The following METTL15 variants were observed in gnomAD, a reference collection of about 807,000 sequenced individuals.
METTL15 encodes the protein methyltransferase 15, mitochondrial 12S rRNA N4-cytidine, also known as 12S rRNA N(4)-cytidine methyltransferase METTL15.
In METTL15, 34 loss-of-function variants were observed where a neutral mutation model predicts 38.3. That is an observed-to-expected ratio of 0.89 (90% CI 0.68 to 1.18). METTL15 has a LOEUF of 1.18. METTL15 is among the 50% of genes most tolerant of loss of function. The pLI, the probability that METTL15 is intolerant of heterozygous loss-of-function variation, is 0.00. For missense variants in METTL15, 438 were observed against 498.4 expected (o/e 0.88, Z 1.15); for synonymous variants, 162 against 170.9 (o/e 0.95, Z 0.41).
At chr11:28,186,677 A>G (rs1462984670) in intron 3 of METTL15, among the ~76,000 whole-genome samples, 1 of 151,228 alleles carries the variant, frequency 6.6e-6, no homozygotes, top group African/African-American at 2.4e-5. Flanking sequence ...TTAGTTTGAT[A>G]ATAATGCTGT....
chr11:28,469,651 A>G (rs1375270281), intron 6 of METTL15, among the ~76,000 whole-genome samples: 1 of 152,142 alleles, frequency 6.6e-6, no homozygotes, highest in Non-Finnish European at 1.5e-5. Flanking sequence ...ATTATTATAA[A>G]GACTTAATGA....
intron 3 of METTL15, among the ~76,000 whole-genome samples, chr11:28,144,027 A>G (rs1328120627): frequency 6.6e-6 from 1 of 152,116 alleles, no homozygotes; most frequent in Non-Finnish European, 1.5e-5. Context: ...TATCATTGCT[A>G]TAATTATTTA....
intron 3 of METTL15, among the ~76,000 whole-genome samples, chr11:28,177,506 T>G (rs1019785847): frequency 1.3e-5 from 2 of 151,992 alleles, no homozygotes; most frequent in Non-Finnish European, 2.9e-5. Context: ...AAAGCTGTAT[T>G]TAATATGAAA....
chr11:28,267,006 A>G (rs1439775482), intron 4 of METTL15, among the ~76,000 whole-genome samples: 1 of 151,938 alleles, frequency 6.6e-6, no homozygotes, highest in Non-Finnish European at 1.5e-5. Context: ...CTAAAAATAC[A>G]AAAATTACCT....
chr11:28,122,333 A>G (rs1046651224), intron 3 of METTL15, among the ~76,000 whole-genome samples: 102 of 112,102 alleles, frequency 9.1e-4, no homozygotes, highest in Admixed American at 1.3e-3. Flanking sequence ...ATGTGTGTAT[A>G]TGTGTGTGTG....
chr11:28,253,219 T>C (rs1854820289), intron 4 of METTL15, among the ~76,000 whole-genome samples: 1 of 152,182 alleles, frequency 6.6e-6, no homozygotes, highest in Admixed American at 6.5e-5. Context: ...CCGAAAGATA[T>C]TTTCCTTTTC....
In METTL15 at chr11:28,457,619, A is replaced by G. The variant is rs2133452748; in HGVS notation, c.*424+33255A>G. The stretch of plus-strand genomic sequence containing the variant: ...GGCACATAAGGGCTCTGATTCCCCC[A>G]CGTCTAGCATTCTTGTCTTCTAGAT... On this transcript the variant is annotated intron_variant and NMD_transcript_variant, in intron 6 of 7. Transcript: ENST00000532947. Among the ~76,000 whole-genome samples, 3 of 152,284 alleles carry G rather than the reference A, an allele frequency of 2.0e-5. 1 individual carries two copies. The South Asian group carries it at 6.2e-4, about 32-fold the overall frequency.
At chr11:28,147,927 T>G (rs1433847677) in intron 3 of METTL15, among the ~76,000 whole-genome samples, 3 of 151,838 alleles carry the variant, frequency 2.0e-5, no homozygotes, top group South Asian at 2.1e-4. Flanking sequence ...TATCTAACTT[T>G]GGGAAATGCT....
At chr11:28,327,071 C>A (rs1565257964) in intron 6 of METTL15, among the ~76,000 whole-genome samples, 1 of 152,088 alleles carries the variant, frequency 6.6e-6, no homozygotes, top group Non-Finnish European at 1.5e-5. Flanking sequence ...GGAAGTTTAA[C>A]CTATCTAAAA....
In METTL15 at chr11:28,165,469, G is replaced by T. The variant is rs553998059; in HGVS notation, c.271-45593G>T. 9.9e-5 allele frequency among the ~76,000 whole-genome samples: 15 copies of T among 152,016 alleles called. No homozygotes were observed. In the East Asian group the frequency reaches 2.9e-3, roughly 29 times the overall value. ...TCATGAACCTGTTAGCCATTTATAT[G>T]TTTTCTTTTGAGAAATATCTGTTCA... On this transcript the variant is annotated intron_variant, in intron 3 of 6. Transcript: ENST00000407364.
At chr11:28,211,766 A>G (rs1462135767) in intron 4 of METTL15, among the ~76,000 whole-genome samples, 1 of 152,090 alleles carries the variant, frequency 6.6e-6, no homozygotes, top group African/African-American at 2.4e-5. Context: ...AACATTTTGA[A>G]TTAGGGAGTA....
chr11:28,333,999 CT>C (rs570982043), downstream of METTL15, among the ~76,000 whole-genome samples: 1 of 151,742 alleles, frequency 6.6e-6, no homozygotes, highest in Admixed American at 6.6e-5. Flanking sequence ...GTACTGCAGA[CT>C]TTTAAAAAAT....
At chr11:28,483,754 G>GT (rs1447257601) in intron 6 of METTL15, among the ~76,000 whole-genome samples, 1 of 152,108 alleles carries the variant, frequency 6.6e-6, no homozygotes, top group Non-Finnish European at 1.5e-5. Flanking sequence ...GCAACTGGTA[G>GT]TTTTCTAAGG....
At chr11:28,495,305 AG>A (rs1851527016) in intron 6 of METTL15, among the ~76,000 whole-genome samples, 1 of 152,198 alleles carries the variant, frequency 6.6e-6, no homozygotes, top group Non-Finnish European at 1.5e-5. Context: ...AACTCATGAA[AG>A]GTCTTTGAGA....
At chr11:28,418,448 G>T (rs942352487) in intron 5 of METTL15, among the ~76,000 whole-genome samples, 1 of 152,138 alleles carries the variant, frequency 6.6e-6, no homozygotes, top group Non-Finnish European at 1.5e-5. Flanking sequence ...GAAGATGGAT[G>T]ATAGAATATT....
chr11:28,313,132 T>TGAA (rs767423684), intron 6 of METTL15, among the ~76,000 whole-genome samples: 14 of 152,174 alleles, frequency 9.2e-5, no homozygotes, highest in Non-Finnish European at 1.5e-4. Context: ...ACTAGCTTTG[T>TGAA]GAACTTGAAC....
intron 4 of METTL15, among the ~76,000 whole-genome samples, chr11:28,361,049 C>T (rs1047740090): frequency 6.6e-5 from 10 of 151,850 alleles, no homozygotes; most frequent in African/African-American, 2.4e-4. Context: ...TTTCTTAATC[C>T]AATCTATCAT....
intron 3 of METTL15, among the ~76,000 whole-genome samples, chr11:28,348,406 C>T (rs946481074): frequency 2.0e-5 from 3 of 152,208 alleles, no homozygotes; most frequent in African/African-American, 4.8e-5. Context: ...CTCACCCTAT[C>T]AGTCAGGCTG....
intron 4 of METTL15, among the ~76,000 whole-genome samples, chr11:28,355,733 T>G (rs549447841): frequency 1.3e-5 from 2 of 152,292 alleles, no homozygotes; most frequent in Non-Finnish European, 2.9e-5. Flanking sequence ...ACTTTAGCAT[T>G]GTTGGATTTT....
Sources: gnomAD v4.1 joint callset for allele counts (sites outside exome capture counted in the v4.1 genomes callset) on GRCh38, gnomAD v4.1.1 for gene constraint, MANE v1.5 for transcripts, NCBI Gene and HGNC (gene_info 2026-07-23, HGNC 2026-07-21) for gene names.